GIMAP4: variants seen among roughly 807,000 people sequenced by gnomAD.
GIMAP4 encodes GTPase, IMAP family member 4, also known as GTPase IMAP family member 4.
A neutral mutation model predicts 10.8 loss-of-function variants in GIMAP4; 12 were observed. That is an observed-to-expected ratio of 1.11 (90% CI 0.71 to 1.81). GIMAP4 has a LOEUF of 1.81. Among genes scored for constraint, GIMAP4 ranks in the 40% most tolerant of loss-of-function variants. The pLI is 0.00. For synonymous variants in GIMAP4, 149 were observed against 147.2 expected (o/e 1.01, Z -0.09); for missense variants, 412 against 404.6 (o/e 1.02, Z -0.16).
In GIMAP4 at chr7:150,570,459, C is replaced by T. The variant is rs560840714; in HGVS notation, c.58+500C>T. ...CTCATTCAGTGTATCACATGACCCT[C>T]CATTTTCTTCCTTACCCATAGAAAT... On this transcript the variant is annotated intron_variant, in intron 2 of 2. Coordinates refer to ENST00000255945, the MANE Select transcript of GIMAP4 (RefSeq NM_018326.3). 3.3e-5 allele frequency among the ~76,000 whole-genome samples: 5 copies of T among 152,326 alleles called. No homozygotes were observed. The East Asian group carries it at 9.6e-4, about 29-fold the overall frequency.
At chr7:150,569,242 A>C (rs1050678618) in intron 1 of GIMAP4, among the ~76,000 whole-genome samples, 10 of 152,332 alleles carry the variant, frequency 6.6e-5, no homozygotes, top group African/African-American at 2.4e-4. Flanking sequence ...GAAGCCTGTT[A>C]AGTTGTATAC....
Position 150,572,306 on chromosome 7 carries a change from C to T in GIMAP4, c.236C>T (p.Thr79Ile). The stretch of plus-strand genomic sequence containing the variant: ...AAACGCAGCAGCTCATGGAAGGAAA[C>T]AGAACTTGTCGTAGTTGACACACCA... Reference protein sequence around the residue: ...CEKRSSSWKETELVVVDTPGI... With the variant: ...CEKRSSSWKEIELVVVDTPGI... The change falls in exon 3 of 3, where the codon ACA becomes ATA. Residue 79 changes from threonine to isoleucine, a missense_variant. Thr to Ile is a moderately conservative substitution (Grantham distance 89). Coordinates refer to ENST00000255945, the MANE Select transcript of GIMAP4 (RefSeq NM_018326.3). 1 of 1,614,120 alleles carries T rather than the reference C, an allele frequency of 6.2e-7. No individual in the cohort carries two copies. Among genetic ancestry groups the T allele is most frequent in the African/African-American group, 1.3e-5 (1 of 75,054 alleles).
chr7:150,572,793 A>G lies in GIMAP4; in HGVS notation c.723A>G (p.Gln241=). 6.2e-7 allele frequency: 1 copy of G among 1,614,162 alleles called. No individual in the cohort carries two copies. Residue 241 remains glutamine, a synonymous_variant, in exon 3 of 3, where the codon CAA becomes CAG. Coordinates refer to ENST00000255945, the MANE Select transcript of GIMAP4 (RefSeq NM_018326.3). ...TCCAGAAGCAAACACAAGCAATGCA[A>G]GAACTCCACAGAGTGGAGCTGGAGA... The part of the protein sequence containing the change: ...EEIQKQTQAM[Q]ELHRVELERE...
chr7:150,572,885 A>G lies in GIMAP4; in HGVS notation c.815A>G (p.Gln272Arg). 3.7e-6 allele frequency: 6 copies of G among 1,614,076 alleles called. No homozygotes were observed. The highest frequency in any genetic ancestry group is 5.1e-6 in the Non-Finnish European group (6 of 1,179,990). The change falls in exon 3 of 3, where the codon CAG becomes CGG. Residue 272 changes from glutamine (Q) to arginine (R), a missense_variant. Transcript: ENST00000255945. ...AGAAAGCTGGAAGATAAAGTGGAGC[A>G]GGAAAAGAGAAAGAAGCAAATGGAG... ...KIRKLEDKVE[Q>R]EKRKKQMEKK...
intron 2 of GIMAP4, among the ~76,000 whole-genome samples, chr7:150,571,636 C>G (rs1328545837): frequency 6.6e-6 from 1 of 152,050 alleles, no homozygotes; most frequent in African/African-American, 2.4e-5. Flanking sequence ...CAAAAATTAT[C>G]CGGGCATGGT....
chr7:150,572,477 A>G lies in GIMAP4; in HGVS notation c.407A>G (p.Lys136Arg). ...GAGGAAGAGCACAAAGCCACAGAGA[A>G]GATCCTGAAAATGTTTGGAGAGAGG... ...YTEEEHKATE[K>R]ILKMFGERAR... is the part of the protein sequence containing the mutation. The change falls in exon 3 of 3, where the codon AAG (lysine) becomes AGG (arginine). Residue 136 changes from lysine (K) to arginine (R), a missense_variant. Transcript: ENST00000255945. 6.2e-7 allele frequency: 1 copy of G among 1,614,142 alleles called. No individual in the cohort carries two copies.
In GIMAP4 at chr7:150,573,075, T is replaced by C. The variant is rs763005167; in HGVS notation, c.*15T>C. The C allele has an allele frequency of 6.6e-7, 1 of 1,525,452 alleles. No individual in the cohort carries two copies. The highest frequency in any genetic ancestry group is 1.2e-5 in the South Asian group (1 of 85,554). 94.5% of individuals were successfully genotyped at this position (1,525,452 alleles called of 1,614,324 possible). ...CGGAAGATTAAACTTAATGAAAATC[T>C]GTTTGTATTTTCTGCATATTCTCTG... On this transcript the variant is annotated 3_prime_UTR_variant, in exon 3 of 3. Transcript: ENST00000255945.
At position 150,573,040 on chromosome 7, in the gene GIMAP4, C is replaced by T. The variant is rs374272297; in HGVS notation, c.970C>T (p.Arg324Cys). Residue 324 changes from arginine to cysteine, a missense_variant, in exon 3 of 3, where the codon CGT becomes TGT. Transcript: ENST00000255945. ...ALQIASFILL[R>C]LFAED ...ACAGATTGCTTCCTTTATTTTGTTACGTCTGTTCGCGGAAGATTAAACTTA... is the reference window on the plus strand; with the variant it reads ...ACAGATTGCTTCCTTTATTTTGTTATGTCTGTTCGCGGAAGATTAAACTTA... The T allele has an allele frequency of 4.8e-5, 77 of 1,593,348 alleles. No individual in the cohort carries two copies. The highest frequency in any genetic ancestry group is 5.7e-5 in the Non-Finnish European group (67 of 1,165,684).
chr7:150,573,322 G>A lies in GIMAP4; in HGVS notation c.*262G>A. On this transcript the variant is annotated 3_prime_UTR_variant, in exon 3 of 3. Transcript: ENST00000255945. Reference sequence around the variant, plus strand: ...ACATGCAGAGAAAATGTATGCAAGAGACCAAAAAGATGGCTCCAAGCTATG... The same window carrying A: ...ACATGCAGAGAAAATGTATGCAAGAAACCAAAAAGATGGCTCCAAGCTATG... 3.0e-6 allele frequency: 1 copy of A among 335,826 alleles called. No homozygotes were observed. Among genetic ancestry groups the A allele is most frequent in the South Asian group, 5.3e-5 (1 of 19,008 alleles). The allele number at this position is 335,826 out of a possible 1,614,324, so 20.8% of individuals were successfully genotyped here. A position where few individuals can be genotyped will look rare whatever the true frequency, so the allele number is the denominator to read the frequency against.
chr7:150,572,594 T>G lies in GIMAP4; in HGVS notation c.524T>G (p.Ile175Ser), dbSNP rs917802575. 6.2e-7 allele frequency: 1 copy of G among 1,614,044 alleles called. No individual in the cohort carries two copies. Among genetic ancestry groups the G allele is most frequent in the African/African-American group, 1.3e-5 (1 of 74,930 alleles). The change falls in exon 3 of 3, where the codon ATT becomes AGT. Residue 175 changes from isoleucine (I) to serine (S), a missense_variant. Transcript: ENST00000255945. ...TACTTAAGGGAAGCTCCAGAAGACATTCAAGACTTGATGGACATTTTCGGT... is the reference window on the plus strand; with the variant it reads ...TACTTAAGGGAAGCTCCAGAAGACAGTCAAGACTTGATGGACATTTTCGGT... ...HDYLREAPEDIQDLMDIFGDR... is the reference protein window; with the variant it reads ...HDYLREAPEDSQDLMDIFGDR...
chr7:150,571,087 C>G (rs564199770), intron 2 of GIMAP4, among the ~76,000 whole-genome samples: 1 of 152,248 alleles, frequency 6.6e-6, no homozygotes, highest in South Asian at 2.1e-4. Flanking sequence ...TTGGAGCTGG[C>G]CTTTGGTGCT....
chr7:150,569,266 T>A (rs956707736), intron 1 of GIMAP4, among the ~76,000 whole-genome samples: 2 of 152,060 alleles, frequency 1.3e-5, no homozygotes, highest in Non-Finnish European at 2.9e-5. Context: ...TGACAGTGGG[T>A]TGTATTAGCA....
chr7:150,571,040 C>T (rs561824634), intron 2 of GIMAP4, among the ~76,000 whole-genome samples: 2 of 152,300 alleles, frequency 1.3e-5, no homozygotes, highest in South Asian at 4.1e-4. Context: ...CATGGATTGT[C>T]ACCATATGCT....
chr7:150,572,744 T>C lies in GIMAP4; in HGVS notation c.674T>C (p.Met225Thr). The C allele has an allele frequency of 6.2e-7, 1 of 1,614,074 alleles. No individual in the cohort carries two copies. The highest frequency in any genetic ancestry group is 8.5e-7 in the Non-Finnish European group (1 of 1,180,016). ...AAGGAAGGCTGCTACACTAATAGGA[T>C]GTACCAAAGGGCGGAGGAGGAGATC... ...ENKEGCYTNR[M>T]YQRAEEEIQK... Residue 225 changes from methionine to threonine, a missense_variant, in exon 3 of 3, where the codon ATG (methionine) becomes ACG (threonine). Physicochemically the swap from Met to Thr is moderately conservative, Grantham distance 81 (BLOSUM62 -1). Coordinates refer to ENST00000255945, the MANE Select transcript of GIMAP4 (RefSeq NM_018326.3).
chr7:150,572,817 G>C lies in GIMAP4; in HGVS notation c.747G>C (p.Glu249Asp), dbSNP rs770039406. The change falls in exon 3 of 3, where the codon GAG becomes GAC. Residue 249 changes from glutamate (E) to aspartate (D), a missense_variant. By Grantham distance (45) the Glu-to-Asp change is conservative (BLOSUM62 2). Transcript: ENST00000255945. Reference protein sequence around the residue: ...AMQELHRVELEREKARIREEY... With the variant: ...AMQELHRVELDREKARIREEY... The stretch of plus-strand genomic sequence containing the variant: ...AAGAACTCCACAGAGTGGAGCTGGA[G>C]AGAGAGAAAGCGCGGATAAGAGAGG... 3 of 1,614,036 alleles carry C rather than the reference G, an allele frequency of 1.9e-6. No homozygotes were observed. In the Admixed American group the frequency reaches 5.0e-5, roughly 27 times the overall value.
At chr7:150,569,987 C>T in intron 2 of GIMAP4, 28 bp downstream of exon 2, 1 of 1,542,936 alleles carries the variant, frequency 6.5e-7, no homozygotes, top group South Asian at 1.1e-5. Context: ...GCTCCCCAGA[C>T]CAGGCTGCAG....
chr7:150,572,486 A>G lies in GIMAP4; in HGVS notation c.416A>G (p.Lys139Arg), dbSNP rs1181369198. ...EEHKATEKIL[K>R]MFGERARSFM... The stretch of plus-strand genomic sequence containing the variant: ...CACAAAGCCACAGAGAAGATCCTGA[A>G]AATGTTTGGAGAGAGGGCTAGAAGT... The change falls in exon 3 of 3, where the codon AAA (lysine) becomes AGA (arginine). Residue 139 changes from lysine to arginine, a missense_variant. Physicochemically the swap from Lys to Arg is conservative, Grantham distance 26. Transcript: ENST00000255945. The G allele has an allele frequency of 6.2e-7, 1 of 1,614,176 alleles. No individual in the cohort carries two copies. The highest frequency in any genetic ancestry group is 1.7e-5 in the Admixed American group (1 of 60,028).
intron 2 of GIMAP4, 183 bp downstream of exon 2, chr7:150,570,142 T>A (rs2293174): frequency 3.3e-6 from 2 of 614,232 alleles, no homozygotes; most frequent in South Asian, 1.9e-5. Context: ...CTCTTTCATC[T>A]TTCTTGACCC....
Position 150,572,997 on chromosome 7 carries a change from A to G in GIMAP4, c.927A>G (p.Glu309=). 1 of 1,613,242 alleles carries G rather than the reference A, an allele frequency of 6.2e-7. No individual in the cohort carries two copies. The highest frequency in any genetic ancestry group is 8.5e-7 in the Non-Finnish European group (1 of 1,179,210). The change falls in exon 3 of 3, where the codon GAA becomes GAG. Residue 309 remains glutamate (E), a synonymous_variant. Transcript: ENST00000255945. ...TGGAGAGTAAGGATGGGATACTTGAATTAATCATGACAGCGTTACAGATTG... is the reference window on the plus strand; with the variant it reads ...TGGAGAGTAAGGATGGGATACTTGAGTTAATCATGACAGCGTTACAGATTG... ...TEVESKDGIL[E]LIMTALQIAS...
Sources: gnomAD v4.1 joint callset for allele counts (sites outside exome capture counted in the v4.1 genomes callset) on GRCh38, gnomAD v4.1.1 for gene constraint, MANE v1.5 for transcripts, NCBI Gene and HGNC (gene_info 2026-07-23, HGNC 2026-07-21) for gene names.